AOPEP: variants seen among roughly 807,000 people sequenced by gnomAD.
AOPEP encodes aminopeptidase O (putative).
AOPEP carries 77 observed loss-of-function variants against 98.1 expected under a neutral mutation model. The ratio of observed to expected loss-of-function variants is 0.78; its 90% CI spans 0.65 to 0.95. The LOEUF (loss-of-function observed/expected upper bound fraction) is 0.95, where lower values mean the gene tolerates loss of function less well. Ranked by LOEUF, AOPEP falls within the 40% of genes least tolerant of loss-of-function variation. AOPEP has a pLI of 0.00. For synonymous variants in AOPEP, 346 were observed against 365.3 expected (o/e 0.95, Z 0.60); for missense variants, 1,024 against 1,024.7 (o/e 1.00, Z 0.01).
At chr9:95,095,499 T>C in the AOPEP span, among the ~76,000 whole-genome samples, 2 of 152,254 alleles carry the variant, frequency 1.3e-5, no homozygotes, top group Non-Finnish European at 2.9e-5. Context: ...ATTCGCTTTT[T>C]TCATGTGCTG....
chr9:95,139,821 A>AATATATATATATTTATATAT, the AOPEP span, among the ~76,000 whole-genome samples: 1 of 145,876 alleles, frequency 6.9e-6, no homozygotes, highest in Non-Finnish European at 1.5e-5. Flanking sequence ...TGACAAAATG[A>AATATATATATATTTATATAT]ATATATATAT....
intron 2 of AOPEP, among the ~76,000 whole-genome samples, chr9:94,765,799 T>A (rs1401552791): frequency 2.6e-5 from 4 of 152,180 alleles, no homozygotes; most frequent in Non-Finnish European, 4.4e-5. Context: ...ATATGAAATA[T>A]CTGGAAATAG....
chr9:95,005,927 C>T (rs2061978491), intron 13 of AOPEP: 1 of 523,854 alleles, frequency 1.9e-6, no homozygotes, highest in African/African-American at 1.9e-5. Context: ...TAAGGTACCT[C>T]TGAAAAATGA....
intron 3 of AOPEP, among the ~76,000 whole-genome samples, chr9:94,784,281 C>G (rs888725908): frequency 6.6e-6 from 1 of 152,150 alleles, no homozygotes; most frequent in African/African-American, 2.4e-5. Context: ...TCATAAATTT[C>G]TTATTTAATT....
intron 13 of AOPEP, among the ~76,000 whole-genome samples, chr9:95,009,322 T>C (rs2062304251): frequency 6.6e-6 from 1 of 152,112 alleles, no homozygotes; most frequent in South Asian, 2.1e-4. Context: ...GTAACTCTTT[T>C]ATCAATATTC....
At chr9:94,866,861 C>T (rs1276673794) in intron 5 of AOPEP, among the ~76,000 whole-genome samples, 1 of 152,084 alleles carries the variant, frequency 6.6e-6, no homozygotes, top group Non-Finnish European at 1.5e-5. Flanking sequence ...AGTTTGGTGA[C>T]TCATAATCAG....
At chr9:95,056,483 G>A (rs1162449406) in intron 13 of AOPEP, 1 of 152,330 alleles carries the variant, frequency 6.6e-6, no homozygotes, top group African/African-American at 2.4e-5. Flanking sequence ...GCTAATGGAA[G>A]AAATGGTGGC....
chr9:94,841,367 T>A (rs1389223609), intron 5 of AOPEP, among the ~76,000 whole-genome samples: 1 of 152,080 alleles, frequency 6.6e-6, no homozygotes, highest in Non-Finnish European at 1.5e-5. Context: ...AGAGATGGGG[T>A]TTCACCGTGT....
intron 5 of AOPEP, among the ~76,000 whole-genome samples, chr9:94,834,421 C>T (rs1174669868): frequency 6.6e-6 from 1 of 152,110 alleles, no homozygotes; most frequent in Non-Finnish European, 1.5e-5. Context: ...TGAACACTGA[C>T]TGGATAGTTA....
chr9:94,838,374 G>A (rs867075180), intron 5 of AOPEP, among the ~76,000 whole-genome samples: 2 of 152,258 alleles, frequency 1.3e-5, no homozygotes, highest in Middle Eastern at 6.8e-3. Context: ...AATTGCCTTA[G>A]CATCTTTATC....
chr9:94,753,766 A>G (rs116748692), intron 1 of AOPEP, among the ~76,000 whole-genome samples: 1,659 of 152,346 alleles, frequency 0.011, 33 homozygotes, highest in African/African-American at 0.038. Flanking sequence ...GGGATTGAAA[A>G]GATGTGCCGG....
At chr9:94,741,303 T>C (rs1445920865) in intron 1 of AOPEP, among the ~76,000 whole-genome samples, 2 of 151,864 alleles carry the variant, frequency 1.3e-5, no homozygotes, top group Admixed American at 6.6e-5. Flanking sequence ...GATGGAGTCT[T>C]GCTCTGTCGC....
At chr9:94,753,702 G>A (rs1207600460) in intron 1 of AOPEP, among the ~76,000 whole-genome samples, 1 of 152,154 alleles carries the variant, frequency 6.6e-6, no homozygotes, top group Admixed American at 6.5e-5. Context: ...CCAGCCAAAT[G>A]TTGTTTTAAA....
chr9:94,843,675 A>G (rs1442033577), intron 5 of AOPEP, among the ~76,000 whole-genome samples: 1 of 152,192 alleles, frequency 6.6e-6, no homozygotes, highest in Non-Finnish European at 1.5e-5. Context: ...AACTCATTCC[A>G]TTTAACCCAA....
chr9:95,127,783 C>A, the AOPEP span, among the ~76,000 whole-genome samples: 1 of 152,224 alleles, frequency 6.6e-6, no homozygotes, highest in Non-Finnish European at 1.5e-5. Flanking sequence ...CGCGCCTCCT[C>A]GCGGCCTCCC....
At chr9:95,087,482 C>CAAAAAAA (rs746666179), downstream of AOPEP, among the ~76,000 whole-genome samples, 3 of 37,438 alleles carry the variant, frequency 8.0e-5, no homozygotes, top group African/African-American at 3.3e-4. Flanking sequence ...GACTCCATCT[C>CAAAAAAA]AAAAAAAAAA....
chr9:94,987,704 G>A (rs181765714), intron 11 of AOPEP, among the ~76,000 whole-genome samples: 7 of 152,304 alleles, frequency 4.6e-5, no homozygotes, highest in South Asian at 2.1e-4. Context: ...CTGGGTGAAC[G>A]CATTTTGATT....
chr9:94,951,305 T>C lies in AOPEP; in HGVS notation c.1662-3872T>C, dbSNP rs117264663. Among the ~76,000 whole-genome samples the C allele has an allele frequency of 3.5e-3, 526 of 152,364 alleles. 4 individuals carry two copies. The highest frequency in any genetic ancestry group is 0.022 in the South Asian group (105 of 4,830). On this transcript the variant is annotated intron_variant, in intron 7 of 16. Transcript: ENST00000375315. ...CTTCAGGGAGGGTAAGCAATTCCTCTAAGGTTCTCCACTTAGTACTTGGCA... is the reference window on the plus strand; with the variant it reads ...CTTCAGGGAGGGTAAGCAATTCCTCCAAGGTTCTCCACTTAGTACTTGGCA...
At chr9:95,045,268 G>A (rs1427574744) in intron 13 of AOPEP, among the ~76,000 whole-genome samples, 2 of 152,196 alleles carry the variant, frequency 1.3e-5, no homozygotes, top group East Asian at 1.9e-4. Context: ...CCCGTGTCCC[G>A]GCAGTGCAGC....
Sources: gnomAD v4.1 joint callset for allele counts (sites outside exome capture counted in the v4.1 genomes callset) on GRCh38, gnomAD v4.1.1 for gene constraint, MANE v1.5 for transcripts, NCBI Gene and HGNC (gene_info 2026-07-23, HGNC 2026-07-21) for gene names.